SLC9A9: variants seen among roughly 807,000 people sequenced by gnomAD.
SLC9A9 encodes solute carrier family 9 member A9.
In SLC9A9, 62 loss-of-function variants were observed where a neutral mutation model predicts 77.8. The observed-to-expected ratio is 0.80, with a 90% CI of 0.65 to 0.98. SLC9A9 has a LOEUF of 0.98. Among genes scored for constraint, SLC9A9 ranks in the 50% least tolerant of loss-of-function variants. The pLI is 0.00. For synonymous variants in SLC9A9, 320 were observed against 283.5 expected, an observed-to-expected ratio of 1.13 and a Z score of -1.29; for missense variants, 775 against 774.9, an observed-to-expected ratio of 1.00 and a Z score of 0.00.
intron 11 of SLC9A9, among the ~76,000 whole-genome samples, chr3:143,490,384 C>A (rs368154065): frequency 4.7e-5 from 7 of 149,880 alleles, no homozygotes; most frequent in Admixed American, 2.0e-4. Context: ...CATGGATGAA[C>A]CTTGAGGATG....
intron 6 of SLC9A9, among the ~76,000 whole-genome samples, chr3:143,625,332 G>C (rs2038302010): frequency 6.6e-6 from 1 of 152,172 alleles, no homozygotes; most frequent in Admixed American, 6.5e-5. Context: ...AAAGAACAAA[G>C]CTGGAGGCAT....
chr3:143,340,804 G>C (rs2032075215), intron 14 of SLC9A9, among the ~76,000 whole-genome samples: 1 of 152,134 alleles, frequency 6.6e-6, no homozygotes, highest in South Asian at 2.1e-4. Context: ...TCTATCTCCA[G>C]ACACCCTTTT....
chr3:143,552,985 C>T (rs1361794888), intron 8 of SLC9A9, among the ~76,000 whole-genome samples: 1 of 152,138 alleles, frequency 6.6e-6, no homozygotes, highest in African/African-American at 2.4e-5. Flanking sequence ...CTCCTACTTG[C>T]CAAGCAAGAG....
chr3:143,550,541 C>T (rs2036863424), intron 9 of SLC9A9, among the ~76,000 whole-genome samples: 1 of 152,184 alleles, frequency 6.6e-6, no homozygotes, highest in Admixed American at 6.5e-5. Flanking sequence ...TTCTTCAACA[C>T]TGGGGCTTTC....
At chr3:143,597,690 A>T (rs879606829) in intron 6 of SLC9A9, among the ~76,000 whole-genome samples, 5 of 152,238 alleles carry the variant, frequency 3.3e-5, no homozygotes, top group Admixed American at 6.5e-5. Context: ...AGGATCTGAC[A>T]GCCATGAAAG....
At chr3:143,295,044 GCC>G (rs1349662395) in intron 14 of SLC9A9, among the ~76,000 whole-genome samples, 1 of 152,198 alleles carries the variant, frequency 6.6e-6, no homozygotes, top group East Asian at 1.9e-4. Flanking sequence ...CCTCTGGCAT[GCC>G]CATGAGCTGA....
At chr3:143,720,249 A>G (rs1011134256) in intron 4 of SLC9A9, among the ~76,000 whole-genome samples, 1 of 149,610 alleles carries the variant, frequency 6.7e-6, no homozygotes, top group African/African-American at 2.5e-5. Flanking sequence ...TTATATATAT[A>G]TATTTTTTTT....
At chr3:143,308,263 T>C (rs1287745979) in intron 14 of SLC9A9, among the ~76,000 whole-genome samples, 1 of 151,998 alleles carries the variant, frequency 6.6e-6, no homozygotes, top group Non-Finnish European at 1.5e-5. Flanking sequence ...AAAATGAAAA[T>C]GGGGACCCCT....
chr3:143,646,316 A>G (rs1309284436), intron 6 of SLC9A9, among the ~76,000 whole-genome samples: 1 of 148,198 alleles, frequency 6.7e-6, no homozygotes, highest in Non-Finnish European at 1.5e-5. Context: ...ATAATATATA[A>G]TTATATTCAT....
At chr3:143,606,432 C>CTG (rs1287074508) in intron 6 of SLC9A9, among the ~76,000 whole-genome samples, 14 of 58,700 alleles carry the variant, frequency 2.4e-4, no homozygotes, top group Non-Finnish European at 3.8e-4. Flanking sequence ...CTCTCTCTCT[C>CTG]TCTCTATATA....
At chr3:143,360,111 C>T (rs2032703358) in intron 14 of SLC9A9, among the ~76,000 whole-genome samples, 1 of 152,118 alleles carries the variant, frequency 6.6e-6, no homozygotes, top group Admixed American at 6.5e-5. Context: ...TCTTGATGGA[C>T]TTTAGGGTCA....
At chr3:143,529,289 C>T (rs1156596346) in intron 9 of SLC9A9, among the ~76,000 whole-genome samples, 4 of 152,130 alleles carry the variant, frequency 2.6e-5, no homozygotes, top group African/African-American at 9.7e-5. Flanking sequence ...TATAAAAACA[C>T]TGGAGAGAGA....
intron 2 of SLC9A9, among the ~76,000 whole-genome samples, chr3:143,826,857 T>C (rs9847107): frequency 0.83 from 125,547 of 152,136 alleles, 55,577 homozygotes; most frequent in Non-Finnish European, 0.97. Context: ...CCTATTACCC[T>C]TAATAAGAGA....
chr3:143,530,437 T>TTGCCTTC (rs1423712902), intron 9 of SLC9A9, among the ~76,000 whole-genome samples: 1 of 152,196 alleles, frequency 6.6e-6, no homozygotes, highest in Non-Finnish European at 1.5e-5. Context: ...GACTTGCCTT[T>TTGCCTTC]TGCCTTCTGC....
intron 2 of SLC9A9, among the ~76,000 whole-genome samples, chr3:143,797,761 G>A (rs1352715153): frequency 6.6e-6 from 1 of 151,782 alleles, no homozygotes; most frequent in Admixed American, 6.6e-5. Context: ...GCCCACCAGA[G>A]AACAACCCCC....
intron 12 of SLC9A9, among the ~76,000 whole-genome samples, chr3:143,388,660 C>T (rs2033483582): frequency 6.6e-6 from 1 of 152,146 alleles, no homozygotes; most frequent in African/African-American, 2.4e-5. Flanking sequence ...GTGCACCCTA[C>T]ATTGAGTCAT....
At chr3:143,822,381 C>T (rs1322101202) in intron 2 of SLC9A9, among the ~76,000 whole-genome samples, 1 of 152,208 alleles carries the variant, frequency 6.6e-6, no homozygotes, top group Non-Finnish European at 1.5e-5. Flanking sequence ...CATTCTTGCT[C>T]CACACACCCC....
intron 12 of SLC9A9, among the ~76,000 whole-genome samples, chr3:143,384,420 T>C (rs1167725131): frequency 6.6e-6 from 1 of 152,214 alleles, no homozygotes; most frequent in African/African-American, 2.4e-5. Flanking sequence ...GGCCGTGAAC[T>C]GAACTGAGGA....
chr3:143,743,225 GGATGGATGGATGGATGGATAGATA>G (rs1345730654), intron 4 of SLC9A9, among the ~76,000 whole-genome samples: 5 of 128,574 alleles, frequency 3.9e-5, no homozygotes, highest in Admixed American at 1.6e-4. Flanking sequence ...ATGGATGGAT[GGATGGATGGATGGATGGATAGATA>G]GATAGATAGA....
Sources: gnomAD v4.1 joint callset for allele counts (sites outside exome capture counted in the v4.1 genomes callset) on GRCh38, gnomAD v4.1.1 for gene constraint, MANE v1.5 for transcripts, NCBI Gene and HGNC (gene_info 2026-07-23, HGNC 2026-07-21) for gene names.